DCP2: variants seen among roughly 807,000 people sequenced by gnomAD.
DCP2 encodes the protein m7GpppN-mRNA hydrolase.
In DCP2, 30 loss-of-function variants were observed where a neutral mutation model predicts 56.1. The observed-to-expected ratio is 0.53, with a 90% CI of 0.40 to 0.73. The LOEUF (loss-of-function observed/expected upper bound fraction) is 0.73, where lower values mean the gene tolerates loss of function less well. Among genes scored for constraint, DCP2 ranks in the 30% least tolerant of loss-of-function variants. The pLI is 0.00. For synonymous variants in DCP2, 197 were observed against 163.3 expected, an observed-to-expected ratio of 1.21 and a Z score of -1.57; for missense variants, 533 against 502.7, an observed-to-expected ratio of 1.06 and a Z score of -0.58.
At chr5:112,979,797 T>C (rs1035934660) in intron 1 of DCP2, among the ~76,000 whole-genome samples, 2 of 152,180 alleles carry the variant, frequency 1.3e-5, no homozygotes, top group Non-Finnish European at 1.5e-5. Flanking sequence ...CACAGTAAAC[T>C]GAGGGAAAAT....
rs146466725 is a variant in DCP2 at position 112,993,440 on chromosome 5, C to A, written c.432+670C>A. 9.9e-3 allele frequency among the ~76,000 whole-genome samples: 1,506 copies of A among 152,002 alleles called. 34 individuals are homozygous for A. The highest frequency in any genetic ancestry group is 0.034 in the African/African-American group (1,410 of 41,452). Reference sequence around the variant, plus strand: ...AGGAGTTCGAGACCAGCCTGACCAACATGGAGAAACCCCGTCTCTGCTAAA... The same window carrying A: ...AGGAGTTCGAGACCAGCCTGACCAAAATGGAGAAACCCCGTCTCTGCTAAA... On this transcript the variant is annotated intron_variant, in intron 4 of 10. Transcript: ENST00000389063.
At chr5:113,011,654 A>G (rs576625694) in intron 10 of DCP2, among the ~76,000 whole-genome samples, 66 of 152,344 alleles carry the variant, frequency 4.3e-4, no homozygotes, top group African/African-American at 1.5e-3. Flanking sequence ...CCTTAACCCT[A>G]TTATGGAAAG....
chr5:113,010,738 T>G lies in DCP2; in HGVS notation c.1048-18T>G, dbSNP rs780300005. Reference sequence around the variant, plus strand: ...TGTTGTATGTGTGTGTGTGTGTGTTTTTTTTTTTTTTAAATAGAAGTGTGA... The same window carrying G: ...TGTTGTATGTGTGTGTGTGTGTGTTGTTTTTTTTTTTAAATAGAAGTGTGA... On this transcript the variant is annotated intron_variant, in intron 9 of 10. Coordinates refer to ENST00000389063, the MANE Select transcript of DCP2 (RefSeq NM_152624.6). The G allele has an allele frequency of 9.8e-5, 128 of 1,311,720 alleles. No individual in the cohort carries two copies. Among genetic ancestry groups the G allele is most frequent in the African/African-American group, 3.1e-4 (16 of 51,732 alleles). 81.3% of individuals were successfully genotyped at this position (1,311,720 alleles called of 1,614,324 possible).
chr5:112,989,558 A>G (rs572665902), intron 2 of DCP2, among the ~76,000 whole-genome samples: 1 of 152,204 alleles, frequency 6.6e-6, no homozygotes, highest in Non-Finnish European at 1.5e-5. Flanking sequence ...AGATGATGCT[A>G]CAGAGTAATT....
At chr5:113,000,420 A>ACACACACACACACACACACACACACC (rs112449298) in intron 4 of DCP2, among the ~76,000 whole-genome samples, 9 of 146,652 alleles carry the variant, frequency 6.1e-5, no homozygotes, top group African/African-American at 2.0e-4. Flanking sequence ...ACACACACAC[A>ACACACACACACACACACACACACACC]CACACCCACA....
At chr5:113,005,151 G>GGTGTGGGTGTGT (rs1554101205) in intron 8 of DCP2, among the ~76,000 whole-genome samples, 42 of 149,522 alleles carry the variant, frequency 2.8e-4, no homozygotes, top group African/African-American at 1.0e-3. Context: ...TGTGCGTGTG[G>GGTGTGGGTGTGT]GTGTGTGTGT....
intron 7 of DCP2, among the ~76,000 whole-genome samples, chr5:113,003,672 G>A (rs1749282908): frequency 6.6e-6 from 1 of 151,630 alleles, no homozygotes; most frequent in South Asian, 2.1e-4. Context: ...GGGAGGAGAT[G>A]GCCTGGATAA....
intron 4 of DCP2, among the ~76,000 whole-genome samples, chr5:112,993,994 T>A (rs1748722698): frequency 6.6e-6 from 1 of 151,774 alleles, no homozygotes; most frequent in Non-Finnish European, 1.5e-5. Flanking sequence ...AGAGGCAAAG[T>A]CTATGTTGCC....
chr5:113,002,993 A>G lies in DCP2; in HGVS notation c.807-949A>G, dbSNP rs150766040. Among the ~76,000 whole-genome samples, 12 of 152,224 alleles carry G rather than the reference A, an allele frequency of 7.9e-5. No homozygotes were observed. In the East Asian group the frequency reaches 1.9e-3, roughly 24 times the overall value. ...GATTTTTACATTTTCTGTAATTTGG[A>G]TTTGCTTTTATGACAGAGCTTCAGA... On this transcript the variant is annotated intron_variant, in intron 7 of 10. Transcript: ENST00000389063.
chr5:113,002,799 G>A (rs1033526145), intron 7 of DCP2, among the ~76,000 whole-genome samples: 3 of 152,120 alleles, frequency 2.0e-5, no homozygotes, highest in African/African-American at 4.8e-5. Context: ...TTGAGATTAC[G>A]GGCGTGAGCC....
rs1747814637 is a variant in DCP2, at chr5:112,978,189, C to T, written c.53+1203C>T. 2.0e-5 allele frequency among the ~76,000 whole-genome samples: 3 copies of T among 152,144 alleles called. No homozygotes were observed. In the South Asian group the frequency reaches 6.2e-4, roughly 31 times the overall value. On this transcript the variant is annotated intron_variant, in intron 1 of 10. Coordinates refer to ENST00000389063, the MANE Select transcript of DCP2 (RefSeq NM_152624.6). ...ACGGGATTTCACCATCTTGGCCGTG[C>T]TGGTCTCGAACTTCTGACCTCGTGA...
chr5:112,992,315 T>C (rs555437933), intron 3 of DCP2, 67 bp downstream of exon 3: 3 of 1,553,620 alleles, frequency 1.9e-6, no homozygotes, highest in African/African-American at 1.4e-5. Flanking sequence ...AAATTTGTTA[T>C]TGATGTAGTG....
chr5:112,988,015 G>A (rs1045408123), intron 2 of DCP2, among the ~76,000 whole-genome samples: 1 of 152,082 alleles, frequency 6.6e-6, no homozygotes, highest in African/African-American at 2.4e-5. Flanking sequence ...AGGGATAGGT[G>A]AGCTGAAATA....
At chr5:113,000,420 A>ACACACACACACCCACACC (rs112449298) in intron 4 of DCP2, among the ~76,000 whole-genome samples, 1 of 146,762 alleles carries the variant, frequency 6.8e-6, no homozygotes, top group African/African-American at 2.5e-5. Context: ...ACACACACAC[A>ACACACACACACCCACACC]CACACCCACA....
At chr5:112,998,000 T>C (rs190633437) in intron 4 of DCP2, among the ~76,000 whole-genome samples, 82 of 152,350 alleles carry the variant, frequency 5.4e-4, no homozygotes, top group Non-Finnish European at 3.4e-4. Context: ...CTAGGAGAAT[T>C]AAACGCTATA....
intron 2 of DCP2, among the ~76,000 whole-genome samples, chr5:112,987,344 G>A (rs1045937070): frequency 1.3e-5 from 2 of 152,146 alleles, no homozygotes; most frequent in African/African-American, 2.4e-5. Flanking sequence ...ATTGAACAGC[G>A]TCCTCTCATG....
At chr5:112,996,202 T>A (rs1206388440) in intron 4 of DCP2, among the ~76,000 whole-genome samples, 1 of 152,236 alleles carries the variant, frequency 6.6e-6, no homozygotes, top group Non-Finnish European at 1.5e-5. Context: ...TTTGTCCTTC[T>A]GCCACTTGGT....
intron 1 of DCP2, among the ~76,000 whole-genome samples, chr5:112,983,605 T>C (rs1298140999): frequency 1.3e-5 from 2 of 152,080 alleles, no homozygotes; most frequent in Non-Finnish European, 2.9e-5. Context: ...ATGTATAGTC[T>C]ATGGAATGAC....
chr5:112,980,677 C>G (rs988617999), intron 1 of DCP2, among the ~76,000 whole-genome samples: 2 of 152,144 alleles, frequency 1.3e-5, no homozygotes, highest in Non-Finnish European at 2.9e-5. Flanking sequence ...CAACTTTTTA[C>G]TATTAAAAAT....
Sources: allele counts gnomAD v4.1 joint callset (sites outside exome capture counted in the v4.1 genomes callset), GRCh38; gene constraint gnomAD v4.1.1; transcripts MANE v1.5; gene names NCBI Gene and HGNC (gene_info 2026-07-23, HGNC 2026-07-21).